Variants in ABCA4 observed in about 807,000 individuals in gnomAD.
ABCA4 encodes retinal-specific phospholipid-transporting ATPase ABCA4.
ABCA4 carries 196 observed loss-of-function variants against 263.7 expected under a neutral mutation model. The observed-to-expected ratio is 0.74, with a 90% CI of 0.66 to 0.84. The LOEUF (loss-of-function observed/expected upper bound fraction) is 0.84, where lower values mean the gene tolerates loss of function less well. ABCA4 is among the 40% of genes least tolerant of loss of function. The probability of loss-of-function intolerance (pLI) is 0.00; values close to 1 mark genes in which losing one functional copy is unlikely to be tolerated. For missense variants in ABCA4, 2,792 were observed against 2,855.1 expected, an observed-to-expected ratio of 0.98 and a Z score of 0.50; for synonymous variants, 1,133 against 1,094.2, an observed-to-expected ratio of 1.04 and a Z score of -0.70.
intron 9 of ABCA4, 89 bp downstream of exon 9, chr1:94,079,233 G>A: frequency 6.4e-7 from 1 of 1,554,100 alleles, no homozygotes. Context: ...TGTGCTACCA[G>A]GAAGGCACAT....
intron 26 of ABCA4, among the ~76,000 whole-genome samples, chr1:94,034,775 A>G (rs1001671608): frequency 6.6e-6 from 1 of 152,088 alleles, no homozygotes; most frequent in African/African-American, 2.4e-5. Flanking sequence ...GCTTCATAAG[A>G]TTACAGTGAT....
At chr1:94,047,652 C>A (rs527704993) in intron 18 of ABCA4, among the ~76,000 whole-genome samples, 1 of 152,148 alleles carries the variant, frequency 6.6e-6, no homozygotes, top group African/African-American at 2.4e-5. Context: ...TTTTCTGGAC[C>A]GCCATTCTCT....
At chr1:94,032,245 T>A (rs1410917018) in intron 26 of ABCA4, among the ~76,000 whole-genome samples, 1 of 152,164 alleles carries the variant, frequency 6.6e-6, no homozygotes, top group Non-Finnish European at 1.5e-5. Context: ...TAGATTCACC[T>A]GAAATTGCCT....
intron 14 of ABCA4, chr1:94,059,688 C>T (rs1160508661): frequency 1.3e-5 from 2 of 152,324 alleles, no homozygotes; most frequent in Non-Finnish European, 2.9e-5. Flanking sequence ...GTAGAACAAG[C>T]TCAATCAGTC....
At chr1:94,008,374 AG>A in intron 41 of ABCA4, 77 bp from the exon 42 acceptor site, 3 of 1,426,314 alleles carry the variant, frequency 2.1e-6, no homozygotes, top group Non-Finnish European at 3.0e-6. Flanking sequence ...CAAAGAGCAA[AG>A]GATGGTTTAG....
At chr1:94,120,297 C>G (rs1209043481) in intron 1 of ABCA4, among the ~76,000 whole-genome samples, 1 of 152,158 alleles carries the variant, frequency 6.6e-6, no homozygotes, top group Non-Finnish European at 1.5e-5. Context: ...CTGTGTCGTG[C>G]TTTTAGGGCT....
chr1:94,042,872 C>T lies in ABCA4; in HGVS notation c.3217G>A (p.Ala1073Thr), dbSNP rs1180611893. ...TTGGCATCTCCCACAAAGGCAATGGCAACCGACAGCTTTCTCTGCATGCCA... is the reference window on the plus strand; with the variant it reads ...TTGGCATCTCCCACAAAGGCAATGGTAACCGACAGCTTTCTCTGCATGCCA... ...SGGMQRKLSV[A>T]IAFVGDAKVV... Residue 1073 changes from alanine to threonine, a missense_variant, in exon 22 of 50, where the codon GCC becomes ACC. Ala to Thr is a moderately conservative substitution (Grantham distance 58). Transcript: ENST00000370225. 6.2e-7 allele frequency: 1 copy of T among 1,614,206 alleles called. No homozygotes were observed. Among genetic ancestry groups the T allele is most frequent in the Non-Finnish European group, 8.5e-7 (1 of 1,180,044 alleles).
chr1:94,029,703 G>A, intron 29 of ABCA4, 72 bp from the exon 30 acceptor site: 3 of 1,425,246 alleles, frequency 2.1e-6, no homozygotes. Flanking sequence ...ATAAGAAATT[G>A]TGCCCAACCC....
intron 14 of ABCA4, among the ~76,000 whole-genome samples, chr1:94,058,866 T>C (rs1337378766): frequency 6.6e-6 from 1 of 152,216 alleles, no homozygotes; most frequent in African/African-American, 2.4e-5. Context: ...GACCTTCCCA[T>C]TGTCCCTGCT....
intron 1 of ABCA4, among the ~76,000 whole-genome samples, 154 bp from the exon 2 acceptor site, chr1:94,113,220 C>T (rs1414620848): frequency 6.6e-6 from 1 of 152,190 alleles, no homozygotes; most frequent in African/African-American, 2.4e-5. Context: ...CCTTTACCCC[C>T]TCCCCACCAT....
intron 11 of ABCA4, among the ~76,000 whole-genome samples, chr1:94,073,372 G>A (rs1661456816): frequency 6.6e-6 from 1 of 152,184 alleles, no homozygotes; most frequent in Admixed American, 6.5e-5. Flanking sequence ...AGTCCTGGCG[G>A]CCCCGGAGGA....
In ABCA4 at chr1:94,078,817, C is replaced by T; in HGVS notation, c.1240-111G>A. On this transcript the variant is annotated intron_variant, in intron 9 of 49. Transcript: ENST00000370225. ...CACTTAGTGTTAGGGAAAGGCTTTT[C>T]AAGGAAGTGTTTTTATTTTCTCAGT... The T allele has an allele frequency of 3.6e-6, 3 of 822,820 alleles. No individual in the cohort carries two copies. In the South Asian group the frequency reaches 4.0e-5, roughly 11 times the overall value. 51.0% of individuals were successfully genotyped at this position (822,820 alleles called of 1,614,324 possible).
intron 42 of ABCA4, 67 bp from the exon 43 acceptor site, chr1:94,007,807 G>A (rs1659433526): frequency 6.3e-6 from 9 of 1,438,932 alleles, no homozygotes; most frequent in Non-Finnish European, 8.8e-6. Flanking sequence ...AGGCCCCAGG[G>A]TAAGTGTGTG....
At chr1:94,007,264 T>C (rs3789383) in intron 43 of ABCA4, among the ~76,000 whole-genome samples, 28,638 of 152,026 alleles carry the variant, frequency 0.19, 2,791 homozygotes, top group African/African-American at 0.23. Flanking sequence ...AAACGTTTTG[T>C]AAAAATGTGT....
At position 94,042,908 on chromosome 1, in the gene ABCA4, C is replaced by T. The variant is rs1489129638; in HGVS notation, c.3191-10G>A. The T allele has an allele frequency of 3.7e-6, 6 of 1,614,024 alleles. No homozygotes were observed. The Admixed American group carries it at 5.0e-5, about 13-fold the overall frequency. On this transcript the variant is annotated splice_polypyrimidine_tract_variant and intron_variant, in intron 21 of 49. Transcript: ENST00000370225. ...TTTCTCTGCATGCCACCTGGAGGCA[C>T]AAGAAGGACGGGAGAGTTAAGGGGC... is the stretch of plus-strand genomic sequence containing the variant.
chr1:94,020,505 G>A (rs984569813), intron 35 of ABCA4, among the ~76,000 whole-genome samples: 20 of 152,162 alleles, frequency 1.3e-4, no homozygotes, highest in African/African-American at 4.8e-4. Context: ...CAAATGACTG[G>A]AAGGAGACAC....
chr1:94,077,641 T>A, intron 11 of ABCA4, 49 bp downstream of exon 11: 1 of 1,531,692 alleles, frequency 6.5e-7, no homozygotes, highest in Non-Finnish European at 8.8e-7. Flanking sequence ...CTGGCCCCAC[T>A]CATGGGGCTA....
At chr1:94,052,390 T>C (rs1209080547) in intron 16 of ABCA4, among the ~76,000 whole-genome samples, 1 of 152,208 alleles carries the variant, frequency 6.6e-6, no homozygotes, top group Non-Finnish European at 1.5e-5. Flanking sequence ...TGGTCTCGGC[T>C]TTTTTTAAGA....
intron 23 of ABCA4, among the ~76,000 whole-genome samples, chr1:94,040,694 G>T (rs754813195): frequency 2.0e-5 from 3 of 152,146 alleles, no homozygotes; most frequent in Non-Finnish European, 4.4e-5. Flanking sequence ...ATTTGCCTAG[G>T]ATGACACAGT....
Sources: gnomAD v4.1 joint callset for allele counts (sites outside exome capture counted in the v4.1 genomes callset) on GRCh38, gnomAD v4.1.1 for gene constraint, MANE v1.5 for transcripts, NCBI Gene and HGNC (gene_info 2026-07-23, HGNC 2026-07-21) for gene names.